The following NALF1 variants were observed in gnomAD, a reference collection of about 807,000 sequenced individuals.
NALF1 encodes family with sequence similarity 155 member A.
Under a neutral mutation model 48.4 loss-of-function variants are expected in NALF1, and 3 were observed. The observed-to-expected ratio is 0.06, with a 90% confidence interval of 0.03 to 0.16. The LOEUF is 0.16. Among genes scored for constraint, NALF1 ranks in the 10% least tolerant of loss-of-function variants. The probability of loss-of-function intolerance (pLI) is 1.00; values close to 1 mark genes in which losing one functional copy is unlikely to be tolerated. For missense variants in NALF1, 526 were observed against 571.5 expected (o/e 0.92, Z 0.81); for synonymous variants, 262 against 245.7 (o/e 1.07, Z -0.62).
intron 1 of NALF1, among the ~76,000 whole-genome samples, chr13:107,813,308 A>T (rs543272307): frequency 6.6e-6 from 1 of 152,322 alleles, no homozygotes; most frequent in East Asian, 1.9e-4. Flanking sequence ...CAACAGCATT[A>T]TAGGTCTTGA....
At chr13:107,219,692 G>A (rs1315579933) in intron 1 of NALF1, among the ~76,000 whole-genome samples, 2 of 152,142 alleles carry the variant, frequency 1.3e-5, no homozygotes, top group African/African-American at 4.8e-5. Flanking sequence ...CCAACGCACT[G>A]AGTAGAGCTA....
At chr13:107,245,443 C>G (rs1455427106) in intron 1 of NALF1, among the ~76,000 whole-genome samples, 1 of 152,216 alleles carries the variant, frequency 6.6e-6, no homozygotes, top group Admixed American at 6.5e-5. Flanking sequence ...TCCAAGTTAT[C>G]TGGCTCAGCC....
intron 2 of NALF1, among the ~76,000 whole-genome samples, chr13:107,205,625 G>GA (rs202054395): frequency 6.7e-4 from 102 of 151,722 alleles, no homozygotes; most frequent in African/African-American, 1.6e-3. Context: ...GAAAGAAAAA[G>GA]AAAAAAAATG....
intron 1 of NALF1, among the ~76,000 whole-genome samples, chr13:107,612,103 AGGGAGGAAGGGGAGGGGGGAG>A (rs1879243541): frequency 4.4e-5 from 1 of 22,928 alleles, no homozygotes; most frequent in Non-Finnish European, 7.3e-5. Context: ...GGGGAGGGGG[AGGGAGGAAGGGGAGGGGGGAG>A]GGGAGGAGGA....
intron 1 of NALF1, among the ~76,000 whole-genome samples, chr13:107,238,524 C>T (rs1298252495): frequency 1.3e-5 from 2 of 152,118 alleles, no homozygotes; most frequent in Non-Finnish European, 2.9e-5. Context: ...AAAGACAGTA[C>T]CCATTTAATC....
intron 1 of NALF1, among the ~76,000 whole-genome samples, chr13:107,368,894 C>G (rs1466341519): frequency 6.6e-6 from 1 of 152,208 alleles, no homozygotes; most frequent in Non-Finnish European, 1.5e-5. Flanking sequence ...AACTTCACCT[C>G]CTACAATGCC....
At chr13:107,677,078 G>A (rs1398305095) in intron 1 of NALF1, among the ~76,000 whole-genome samples, 3 of 152,092 alleles carry the variant, frequency 2.0e-5, no homozygotes, top group East Asian at 1.9e-4. Context: ...ACAGAGTCTC[G>A]CTCCTTCGCC....
intron 1 of NALF1, among the ~76,000 whole-genome samples, chr13:107,483,011 A>T (rs1885277333): frequency 6.6e-6 from 1 of 152,120 alleles, no homozygotes; most frequent in Non-Finnish European, 1.5e-5. Flanking sequence ...CAGCCCTGGT[A>T]GTACTTAGGG....
intron 1 of NALF1, among the ~76,000 whole-genome samples, chr13:107,687,837 T>C (rs1424600428): frequency 6.6e-6 from 1 of 152,208 alleles, no homozygotes; most frequent in Non-Finnish European, 1.5e-5. Context: ...AGTAGCCACA[T>C]GTAGCACATG....
At chr13:107,614,844 C>T (rs1879336738) in intron 1 of NALF1, among the ~76,000 whole-genome samples, 1 of 150,844 alleles carries the variant, frequency 6.6e-6, no homozygotes, top group South Asian at 2.1e-4. Context: ...GTGATGCAAT[C>T]TTTGCTCACT....
At chr13:107,365,596 C>T (rs577005045) in intron 1 of NALF1, among the ~76,000 whole-genome samples, 3 of 152,132 alleles carry the variant, frequency 2.0e-5, no homozygotes, top group Admixed American at 2.0e-4. Context: ...TCAAAACTTA[C>T]ATTTCAACGG....
At chr13:107,205,174 C>T (rs1309611661) in intron 2 of NALF1, among the ~76,000 whole-genome samples, 2 of 150,006 alleles carry the variant, frequency 1.3e-5, no homozygotes, top group East Asian at 2.0e-4. Context: ...CACCCCACAA[C>T]AGTCCCCAGA....
At chr13:107,640,919 G>T (rs1566426276) in intron 1 of NALF1, among the ~76,000 whole-genome samples, 1 of 152,164 alleles carries the variant, frequency 6.6e-6, no homozygotes, top group African/African-American at 2.4e-5. Flanking sequence ...GCATCCAGCA[G>T]TCTCACTGCT....
intron 2 of NALF1, among the ~76,000 whole-genome samples, chr13:107,179,519 T>C (rs1159214428): frequency 6.6e-6 from 1 of 152,068 alleles, no homozygotes; most frequent in African/African-American, 2.4e-5. Flanking sequence ...TATAATTGGA[T>C]TGTTTGTAAC....
At chr13:107,545,062 A>G in intron 1 of NALF1, among the ~76,000 whole-genome samples, 1 of 152,184 alleles carries the variant, frequency 6.6e-6, no homozygotes, top group East Asian at 1.9e-4. Context: ...CGACGTCCTA[A>G]CCCTTAGTAC....
At chr13:107,609,806 T>C (rs9559094) in intron 1 of NALF1, among the ~76,000 whole-genome samples, 6 of 152,330 alleles carry the variant, frequency 3.9e-5, no homozygotes, top group South Asian at 2.1e-4. Flanking sequence ...AATAAATGCA[T>C]GTATATCCAC....
At chr13:107,844,723 C>T (rs1880126456) in intron 1 of NALF1, among the ~76,000 whole-genome samples, 1 of 152,112 alleles carries the variant, frequency 6.6e-6, no homozygotes, top group Non-Finnish European at 1.5e-5. Context: ...GTTTAAATTA[C>T]TTTTTCCCTA....
chr13:107,266,527 T>C (rs186611401), intron 1 of NALF1, among the ~76,000 whole-genome samples: 1 of 152,204 alleles, frequency 6.6e-6, no homozygotes, highest in African/African-American at 2.4e-5. Context: ...CCCTCTTGTT[T>C]TTGGCCTTCA....
intron 1 of NALF1, among the ~76,000 whole-genome samples, chr13:107,246,704 C>G (rs1880592760): frequency 6.6e-6 from 1 of 152,036 alleles, no homozygotes; most frequent in Non-Finnish European, 1.5e-5. Context: ...AACGAACAAG[C>G]CTATTTAAAC....
Sources: allele counts gnomAD v4.1 joint callset (sites outside exome capture counted in the v4.1 genomes callset), GRCh38; gene constraint gnomAD v4.1.1; transcripts MANE v1.5; gene names NCBI Gene and HGNC (gene_info 2026-07-23, HGNC 2026-07-21).